STARD13: variants seen among roughly 807,000 people sequenced by gnomAD.
STARD13 encodes StAR related lipid transfer domain containing 13.
A neutral mutation model predicts 106.4 loss-of-function variants in STARD13; 62 were observed. The observed-to-expected ratio is 0.58, with a 90% confidence interval of 0.48 to 0.72. The LOEUF is 0.72. STARD13 is among the 30% of genes least tolerant of loss of function. STARD13 has a pLI of 0.00. For synonymous variants in STARD13, 565 were observed against 553.0 expected (o/e 1.02, Z -0.31); for missense variants, 1,387 against 1,424.0 (o/e 0.97, Z 0.42).
At position 33,164,150 on chromosome 13, in the gene STARD13, C is replaced by T. The variant is rs902292465; in HGVS notation, c.323+1187G>A. 2.6e-5 allele frequency: 4 copies of T among 152,082 alleles called. No individual in the cohort carries two copies. In the East Asian group the frequency reaches 7.7e-4, roughly 29 times the overall value. 9.4% of individuals were successfully genotyped at this position (152,082 alleles called of 1,614,324 possible). ...TTTGAGGAGTTCTTTGCTCTTCCAC[C>T]CATGTAAGCAAGCCCATAGTATTAT... On this transcript the variant is annotated intron_variant, in intron 3 of 13. Coordinates refer to ENST00000336934, the MANE Select transcript of STARD13 (RefSeq NM_178006.4).
At chr13:33,286,964 C>A (rs985246297), upstream of STARD13, among the ~76,000 whole-genome samples, 4 of 151,980 alleles carry the variant, frequency 2.6e-5, no homozygotes, top group Non-Finnish European at 2.9e-5. Context: ...ATAATTTTCC[C>A]TGTTTTTCTT....
intron 11 of STARD13, 148 bp downstream of exon 11, chr13:33,110,538 C>CT: frequency 1.5e-6 from 1 of 678,880 alleles, no homozygotes; most frequent in South Asian, 1.8e-5. Flanking sequence ...GATCTCTGGA[C>CT]TGAGTTCTTT....
chr13:33,573,245 T>C, the STARD13 span, among the ~76,000 whole-genome samples: 2 of 152,262 alleles, frequency 1.3e-5, no homozygotes, highest in South Asian at 4.1e-4. Flanking sequence ...TAAATTATAA[T>C]TGATATCTAT....
At chr13:33,663,377 A>T in the STARD13 span, among the ~76,000 whole-genome samples, 1 of 152,254 alleles carries the variant, frequency 6.6e-6, no homozygotes, top group Non-Finnish European at 1.5e-5. Context: ...ATTTTGAAAA[A>T]TAAAAATACT....
chr13:33,475,765 G>A, the STARD13 span, among the ~76,000 whole-genome samples: 1 of 152,098 alleles, frequency 6.6e-6, no homozygotes, highest in African/African-American at 2.4e-5. Flanking sequence ...AGACCATCCT[G>A]GCCAACATGG....
At chr13:33,119,711 G>T (rs1448116978) in intron 7 of STARD13, among the ~76,000 whole-genome samples, 2 of 152,130 alleles carry the variant, frequency 1.3e-5, no homozygotes, top group African/African-American at 4.8e-5. Context: ...AAGGTTTATC[G>T]CTCTAATCCC....
chr13:33,209,203 G>A (rs1369652730), intron 1 of STARD13, among the ~76,000 whole-genome samples: 1 of 152,176 alleles, frequency 6.6e-6, no homozygotes, highest in Non-Finnish European at 1.5e-5. Flanking sequence ...ACCTAGAGCT[G>A]TGCAGTGTAC....
chr13:33,432,591 G>T, the STARD13 span, among the ~76,000 whole-genome samples: 2 of 152,144 alleles, frequency 1.3e-5, no homozygotes, highest in Admixed American at 6.5e-5. Context: ...CAGTCAGTAC[G>T]ATAGGTGATT....
the STARD13 span, among the ~76,000 whole-genome samples, chr13:33,654,113 G>C: frequency 6.6e-6 from 1 of 152,180 alleles, no homozygotes; most frequent in African/African-American, 2.4e-5. Context: ...TTTGGGGAAA[G>C]TTCCTCAAAA....
At chr13:33,498,974 C>T in the STARD13 span, among the ~76,000 whole-genome samples, 1 of 152,080 alleles carries the variant, frequency 6.6e-6, no homozygotes, top group Non-Finnish European at 1.5e-5. Flanking sequence ...CCCGTCTCTA[C>T]TAAAAATACA....
chr13:33,213,108 G>C (rs1006663790), intron 1 of STARD13, among the ~76,000 whole-genome samples: 3 of 152,184 alleles, frequency 2.0e-5, no homozygotes, highest in Admixed American at 1.3e-4. Context: ...TGAGGGCTCT[G>C]ACAATGAACT....
intron 3 of STARD13, among the ~76,000 whole-genome samples, chr13:33,157,781 T>C (rs764940959): frequency 2.6e-5 from 4 of 152,190 alleles, no homozygotes; most frequent in Non-Finnish European, 4.4e-5. Flanking sequence ...ATAGTACTTC[T>C]CCTTCAAAAT....
chr13:33,182,217 A>T (rs1885308678), intron 1 of STARD13, among the ~76,000 whole-genome samples: 1 of 152,222 alleles, frequency 6.6e-6, no homozygotes, highest in South Asian at 2.1e-4. Context: ...TTTCCTATTC[A>T]GAATTAATAG....
chr13:33,190,892 C>T (rs1170459769), intron 1 of STARD13, among the ~76,000 whole-genome samples: 2 of 151,988 alleles, frequency 1.3e-5, no homozygotes, highest in East Asian at 1.9e-4. Flanking sequence ...CCACTACACC[C>T]GTTTATTAAA....
the STARD13 span, among the ~76,000 whole-genome samples, chr13:33,666,968 G>A: frequency 6.6e-6 from 1 of 152,144 alleles, no homozygotes; most frequent in East Asian, 1.9e-4. Context: ...CCAAACTTTG[G>A]GACAAATGCT....
At chr13:33,531,673 CAT>C in the STARD13 span, among the ~76,000 whole-genome samples, 1 of 152,100 alleles carries the variant, frequency 6.6e-6, no homozygotes, top group African/African-American at 2.4e-5. Context: ...TTTCAACAGA[CAT>C]AGAGATAGAA....
chr13:33,521,886 C>A, the STARD13 span, among the ~76,000 whole-genome samples: 1 of 152,048 alleles, frequency 6.6e-6, no homozygotes, highest in African/African-American at 2.4e-5. Context: ...ATTAGGAAAG[C>A]AGCTAAGGCA....
At chr13:33,309,917 G>A (rs556789109) in intron 1 of STARD13, among the ~76,000 whole-genome samples, 1 of 152,236 alleles carries the variant, frequency 6.6e-6, no homozygotes, top group South Asian at 2.1e-4. Flanking sequence ...TCCTTCATAT[G>A]GAATCACATT....
At chr13:33,281,758 A>G (rs1594213627) in intron 1 of STARD13, among the ~76,000 whole-genome samples, 2 of 152,284 alleles carry the variant, frequency 1.3e-5, no homozygotes, top group Admixed American at 1.3e-4. Flanking sequence ...CACTTATATG[A>G]GGTACTTAAA....
Sources: gnomAD v4.1 joint callset for allele counts (sites outside exome capture counted in the v4.1 genomes callset) on GRCh38, gnomAD v4.1.1 for gene constraint, MANE v1.5 for transcripts, NCBI Gene and HGNC (gene_info 2026-07-23, HGNC 2026-07-21) for gene names.